Variants in TCERG1L observed in about 807,000 individuals in gnomAD.
TCERG1L encodes the protein transcription elongation regulator 1 like.
A neutral mutation model predicts 56.3 loss-of-function variants in TCERG1L; 37 were observed. The observed-to-expected ratio is 0.66, with a 90% CI of 0.51 to 0.87. The LOEUF is 0.87. Ranked by LOEUF, TCERG1L falls within the 40% of genes least tolerant of loss-of-function variation. The pLI, the probability that TCERG1L is intolerant of heterozygous loss-of-function variation, is 0.00. For synonymous variants in TCERG1L, 324 were observed against 326.3 expected, an observed-to-expected ratio of 0.99 and a Z score of 0.08; for missense variants, 799 against 774.2, an observed-to-expected ratio of 1.03 and a Z score of -0.38.
At chr10:131,168,287 C>G (rs1846052952) in intron 4 of TCERG1L, among the ~76,000 whole-genome samples, 1 of 152,204 alleles carries the variant, frequency 6.6e-6, no homozygotes, top group African/African-American at 2.4e-5. Context: ...ACCCCACCTT[C>G]TAGCCTTTCT....
At chr10:131,258,433 C>T (rs1846197057) in intron 4 of TCERG1L, among the ~76,000 whole-genome samples, 1 of 152,212 alleles carries the variant, frequency 6.6e-6, no homozygotes. Flanking sequence ...TCCCACCTCC[C>T]AATGGAGCCC....
At chr10:131,234,815 T>C (rs1049504431) in intron 4 of TCERG1L, among the ~76,000 whole-genome samples, 3 of 152,228 alleles carry the variant, frequency 2.0e-5, no homozygotes, top group Non-Finnish European at 2.9e-5. Context: ...GTGATTTTCC[T>C]GCCCCAGCCT....
At chr10:131,203,740 C>T (rs1845481661) in intron 4 of TCERG1L, among the ~76,000 whole-genome samples, 1 of 152,182 alleles carries the variant, frequency 6.6e-6, no homozygotes, top group Non-Finnish European at 1.5e-5. Flanking sequence ...GCTGCTTCTG[C>T]TCACATCCCG....
At chr10:131,175,757 T>C (rs574646527) in intron 4 of TCERG1L, among the ~76,000 whole-genome samples, 1 of 152,028 alleles carries the variant, frequency 6.6e-6, no homozygotes, top group Non-Finnish European at 1.5e-5. Context: ...GTGAGCCAAG[T>C]AGGACTTTAC....
chr10:131,238,220 T>C (rs1208444287), intron 4 of TCERG1L, among the ~76,000 whole-genome samples: 3 of 152,174 alleles, frequency 2.0e-5, no homozygotes, highest in Non-Finnish European at 2.9e-5. Flanking sequence ...GGCCCCCACG[T>C]GCTGTTCCGT....
intron 4 of TCERG1L, among the ~76,000 whole-genome samples, chr10:131,169,703 A>G (rs1247900344): frequency 6.6e-6 from 1 of 152,218 alleles, no homozygotes; most frequent in Non-Finnish European, 1.5e-5. Flanking sequence ...TATGTTTTCA[A>G]TATGGCAGGT....
rs535611405 is a variant in TCERG1L at position 131,271,357 on chromosome 10, C to T, written c.671-10913G>A. ...GCGGCTCTCCAGGTTTTCTCTTCCT[C>T]TCTGGGCAAACCCTAGGTAGGAGCC... On this transcript the variant is annotated intron_variant, in intron 3 of 11. Coordinates refer to ENST00000368642, the MANE Select transcript of TCERG1L (RefSeq NM_174937.4). Among the ~76,000 whole-genome samples the T allele has an allele frequency of 4.6e-5, 7 of 152,344 alleles. No homozygotes were observed. In the South Asian group the frequency reaches 1.5e-3, roughly 32 times the overall value.
chr10:131,103,383 CT>C lies in TCERG1L; in HGVS notation c.1485+881del, dbSNP rs1845322013. The stretch of plus-strand genomic sequence containing the variant: ...TTGGGCAGGTGTCCTTGCAGAAGTG[CT>C]TTTTGTGTGTATAAGGTTGTGATGA... On this transcript the variant is annotated intron_variant, in intron 10 of 11. Transcript: ENST00000368642. The surrounding 1 kb of genome is among the most constrained non-coding windows in gnomAD (Gnocchi z 4.3). Among the ~76,000 whole-genome samples, 1 of 152,170 alleles carries C rather than the reference CT, an allele frequency of 6.6e-6. No homozygotes were observed. Among genetic ancestry groups the C allele is most frequent in the Non-Finnish European group, 1.5e-5 (1 of 68,040 alleles).
chr10:131,196,686 C>T (rs976385204), intron 4 of TCERG1L, among the ~76,000 whole-genome samples: 5 of 152,218 alleles, frequency 3.3e-5, no homozygotes, highest in Admixed American at 2.6e-4. Flanking sequence ...AGAGTCTCCG[C>T]TTTCTTGCTG....
At chr10:131,265,084 A>C (rs7909338) in intron 3 of TCERG1L, among the ~76,000 whole-genome samples, 37,749 of 151,998 alleles carry the variant, frequency 0.25, 5,605 homozygotes, top group Non-Finnish European at 0.34. Context: ...TTTTTAACGA[A>C]CTCAATCTGT....
chr10:131,118,820 C>T lies in TCERG1L; in HGVS notation c.1260-1886G>A, dbSNP rs915902066. On this transcript the variant is annotated intron_variant, in intron 8 of 11. Transcript: ENST00000368642. This position sits in a 1 kb window ranked among gnomAD's most constrained non-coding sequence, Gnocchi z 4.2. ...AACTACTGTCCAGTTCTGGTTTTGA[C>T]GATAGCACCATGTTCTCCACTGGGG... Among the ~76,000 whole-genome samples the T allele has an allele frequency of 5.3e-5, 8 of 152,202 alleles. No homozygotes were observed. Among genetic ancestry groups the T allele is most frequent in the South Asian group, 4.2e-4 (2 of 4,806 alleles).
At chr10:131,148,495 T>A (rs1010393063) in intron 6 of TCERG1L, among the ~76,000 whole-genome samples, 1 of 143,940 alleles carries the variant, frequency 6.9e-6, no homozygotes, top group East Asian at 2.1e-4. Flanking sequence ...CACACATATA[T>A]ACACACACAA....
chr10:131,266,901 T>C (rs1392109124), intron 3 of TCERG1L, among the ~76,000 whole-genome samples: 1 of 152,140 alleles, frequency 6.6e-6, no homozygotes, highest in African/African-American at 2.4e-5. Flanking sequence ...GAGTCTTTTA[T>C]GGCTTTTATG....
intron 4 of TCERG1L, among the ~76,000 whole-genome samples, chr10:131,217,590 G>A (rs78235500): frequency 0.083 from 12,656 of 151,864 alleles, 892 homozygotes; most frequent in African/African-American, 0.19. Flanking sequence ...CTGGCCAACA[G>A]CAGTCACTGT....
At chr10:131,256,977 G>GA (rs1463628030) in intron 4 of TCERG1L, among the ~76,000 whole-genome samples, 1,556 of 76,668 alleles carry the variant, frequency 0.02, 43 homozygotes, top group Middle Eastern at 0.038. Context: ...AGGAAGGAAG[G>GA]AAGGAAGGAA....
At chr10:131,227,654 G>C (rs1399983705) in intron 4 of TCERG1L, among the ~76,000 whole-genome samples, 1 of 152,184 alleles carries the variant, frequency 6.6e-6, no homozygotes, top group African/African-American at 2.4e-5. Context: ...ACCTCCAGGT[G>C]AGCCGAGGGT....
intron 4 of TCERG1L, among the ~76,000 whole-genome samples, chr10:131,181,655 G>A (rs1231458330): frequency 1.3e-5 from 2 of 152,226 alleles, no homozygotes; most frequent in Admixed American, 1.3e-4. Context: ...CAAGGAAGCA[G>A]GGAAAACCCT....
At chr10:131,153,593 A>T (rs1441117118) in intron 6 of TCERG1L, among the ~76,000 whole-genome samples, 1 of 152,210 alleles carries the variant, frequency 6.6e-6, no homozygotes, top group Admixed American at 6.5e-5. Context: ...GGGGATTTAT[A>T]TTCAGCCAAA....
At chr10:131,224,376 G>A (rs958348464) in intron 4 of TCERG1L, among the ~76,000 whole-genome samples, 2 of 151,780 alleles carry the variant, frequency 1.3e-5, no homozygotes, top group Non-Finnish European at 2.9e-5. Flanking sequence ...CTGCACTCTG[G>A]CCTCTTGAGT....
Sources: allele counts gnomAD v4.1 joint callset (sites outside exome capture counted in the v4.1 genomes callset), GRCh38; gene constraint gnomAD v4.1.1; non-coding constraint Gnocchi (gnomAD v3.1); transcripts MANE v1.5; gene names NCBI Gene and HGNC (gene_info 2026-07-23, HGNC 2026-07-21).